Variants in TAOK1 observed in about 807,000 individuals in gnomAD.
TAOK1 encodes TAO kinase 1.
TAOK1 carries 21 observed loss-of-function variants against 138.3 expected under a neutral mutation model. The ratio of observed to expected loss-of-function variants is 0.15; its 90% CI spans 0.11 to 0.22. TAOK1 has a LOEUF of 0.22. TAOK1 is among the 10% of genes least tolerant of loss of function. The probability of loss-of-function intolerance (pLI) is 1.00; values close to 1 mark genes in which losing one functional copy is unlikely to be tolerated. For missense variants in TAOK1, 651 were observed against 1,227.7 expected (o/e 0.53, Z 7.02); for synonymous variants, 361 against 398.4 (o/e 0.91, Z 1.12).
intron 4 of TAOK1, among the ~76,000 whole-genome samples, chr17:29,476,491 T>C (rs1357518068): frequency 6.6e-6 from 1 of 152,174 alleles, no homozygotes; most frequent in Admixed American, 6.6e-5. Flanking sequence ...AGGATACTAA[T>C]AGGACCTACC....
chr17:29,531,535 G>T (rs543287726), intron 18 of TAOK1, among the ~76,000 whole-genome samples: 3 of 152,040 alleles, frequency 2.0e-5, no homozygotes, highest in Admixed American at 6.5e-5. Context: ...AGCCTAGGCG[G>T]GTGGATCACC....
intron 1 of TAOK1, among the ~76,000 whole-genome samples, chr17:29,435,523 A>G (rs1032224220): frequency 4.6e-5 from 7 of 152,268 alleles, no homozygotes; most frequent in Admixed American, 2.6e-4. Flanking sequence ...AACACCTATG[A>G]GTTGGGTGAT....
intron 1 of TAOK1, among the ~76,000 whole-genome samples, chr17:29,427,149 G>A (rs926230649): frequency 6.6e-6 from 1 of 152,174 alleles, no homozygotes; most frequent in African/African-American, 2.4e-5. Flanking sequence ...ATTAATGAAT[G>A]TAATGCCATT....
intron 6 of TAOK1, among the ~76,000 whole-genome samples, chr17:29,479,076 G>A (rs1309146721): frequency 6.6e-6 from 1 of 151,398 alleles, no homozygotes; most frequent in East Asian, 1.9e-4. Flanking sequence ...AGTGAGCTGA[G>A]ATTGTGCCAC....
At chr17:29,444,611 C>A (rs1392686974) in intron 1 of TAOK1, among the ~76,000 whole-genome samples, 1 of 152,048 alleles carries the variant, frequency 6.6e-6, no homozygotes, top group African/African-American at 2.4e-5. Context: ...CACCTTTATT[C>A]TTTTTAAAAA....
chr17:29,424,048 CAAAAAA>C (rs34530466), intron 1 of TAOK1, among the ~76,000 whole-genome samples: 1 of 112,866 alleles, frequency 8.9e-6, no homozygotes, highest in Non-Finnish European at 1.9e-5. Context: ...GACCCTGTCT[CAAAAAA>C]AAAAAAAAAA....
chr17:29,489,347 A>G (rs534192110), intron 8 of TAOK1, among the ~76,000 whole-genome samples: 65 of 151,986 alleles, frequency 4.3e-4, no homozygotes, highest in African/African-American at 1.5e-3. Context: ...AAAATACAAA[A>G]CTTAATTGGG....
Position 29,502,739 on chromosome 17 carries a change from A to C in TAOK1, c.1338+16A>C. The C allele has an allele frequency of 6.2e-7, 1 of 1,601,442 alleles. No individual in the cohort carries two copies. The highest frequency in any genetic ancestry group is 8.5e-7 in the Non-Finnish European group (1 of 1,175,012). On this transcript the variant is annotated intron_variant, in intron 13 of 19. Coordinates refer to ENST00000261716, the MANE Select transcript of TAOK1 (RefSeq NM_020791.4). ...AGCATCACTGGTATGTACTTACCCGAATTAGAGATAAATATATTTTTCATG... is the reference window on the plus strand; with the variant it reads ...AGCATCACTGGTATGTACTTACCCGCATTAGAGATAAATATATTTTTCATG...
intron 1 of TAOK1, among the ~76,000 whole-genome samples, chr17:29,427,726 A>T (rs1235747741): frequency 6.6e-6 from 1 of 151,766 alleles, no homozygotes; most frequent in Non-Finnish European, 1.5e-5. Flanking sequence ...CAAAAGTTCC[A>T]TACCAGCCTG....
At chr17:29,421,834 C>T (rs1484563785) in intron 1 of TAOK1, among the ~76,000 whole-genome samples, 2 of 151,868 alleles carry the variant, frequency 1.3e-5, no homozygotes, top group Non-Finnish European at 2.9e-5. Context: ...AACTCCTGGG[C>T]TCAAGTGATC....
intron 1 of TAOK1, among the ~76,000 whole-genome samples, chr17:29,395,117 C>T (rs960383689): frequency 2.7e-5 from 4 of 150,166 alleles, no homozygotes; most frequent in African/African-American, 4.9e-5. Flanking sequence ...CGTGATGGTG[C>T]GTGCTTGTTC....
intron 1 of TAOK1, among the ~76,000 whole-genome samples, chr17:29,423,408 G>A (rs1235071655): frequency 2.6e-5 from 4 of 151,172 alleles, no homozygotes; most frequent in African/African-American, 7.3e-5. Context: ...TAGTAGAGAC[G>A]GGGTTTCACC....
chr17:29,503,516 T>C (rs1043975289), intron 13 of TAOK1, among the ~76,000 whole-genome samples: 2 of 152,180 alleles, frequency 1.3e-5, no homozygotes, highest in Admixed American at 1.3e-4. Context: ...TAAATGTCAT[T>C]CTGATTTTCC....
chr17:29,505,072 A>G (rs574791694), intron 13 of TAOK1, among the ~76,000 whole-genome samples: 1 of 152,360 alleles, frequency 6.6e-6, no homozygotes, highest in Admixed American at 6.5e-5. Flanking sequence ...TAATGAATCA[A>G]AAATCTGAAA....
At chr17:29,501,277 G>C (rs1598509925) in intron 12 of TAOK1, among the ~76,000 whole-genome samples, 1 of 150,868 alleles carries the variant, frequency 6.6e-6, no homozygotes, top group African/African-American at 2.4e-5. Flanking sequence ...TGTGGCATAT[G>C]CCTGTGGCCC....
At chr17:29,394,239 C>T (rs1904522598) in intron 1 of TAOK1, among the ~76,000 whole-genome samples, 1 of 134,158 alleles carries the variant, frequency 7.5e-6, no homozygotes, top group Non-Finnish European at 1.5e-5. Flanking sequence ...GATCTCGGCT[C>T]ACTGCAAGTT....
At chr17:29,448,183 A>T (rs193087497) in intron 1 of TAOK1, among the ~76,000 whole-genome samples, 170 of 151,604 alleles carry the variant, frequency 1.1e-3, no homozygotes, top group Non-Finnish European at 2.1e-3. Flanking sequence ...CAGTACTCGT[A>T]TAGTTTCTTT....
At chr17:29,482,366 T>G in intron 8 of TAOK1, 78 bp downstream of exon 8, 1 of 1,106,660 alleles carries the variant, frequency 9.0e-7, no homozygotes, top group East Asian at 2.5e-5. Flanking sequence ...TCTATAAAAA[T>G]TATAGATTTT....
In TAOK1 at chr17:29,546,194, TAGAG is replaced by T. The variant is rs1443233714; in HGVS notation, c.*3175_*3178del. The T allele has an allele frequency of 6.6e-6, 1 of 152,106 alleles. No individual in the cohort carries two copies. Among genetic ancestry groups the T allele is most frequent in the African/African-American group, 2.4e-5 (1 of 41,454 alleles). 9.4% of individuals were successfully genotyped at this position (152,106 alleles called of 1,614,324 possible). ...TATTCGCCATTTCAATACCTAGAGA[TAGAG>T]AGTCTTGTATTTGAAGCCACACACA... On this transcript the variant is annotated 3_prime_UTR_variant, in exon 20 of 20. Transcript: ENST00000261716.
Sources: gnomAD v4.1 joint callset for allele counts (sites outside exome capture counted in the v4.1 genomes callset) on GRCh38, gnomAD v4.1.1 for gene constraint, MANE v1.5 for transcripts, NCBI Gene and HGNC (gene_info 2026-07-23, HGNC 2026-07-21) for gene names.